Variants in AKT3 observed in about 807,000 individuals in gnomAD.
AKT3 encodes the protein AKT serine/threonine kinase 3.
In AKT3, 15 loss-of-function variants were observed where a neutral mutation model predicts 65.3. The observed-to-expected ratio is 0.23, with a 90% CI of 0.15 to 0.35. AKT3 has a LOEUF of 0.35. Among genes scored for constraint, AKT3 ranks in the 10% least tolerant of loss-of-function variants. AKT3 has a pLI of 1.00. For missense variants in AKT3, 243 were observed against 576.5 expected (o/e 0.42, Z 5.92); for synonymous variants, 206 against 183.8 (o/e 1.12, Z -0.98).
rs189673051 is a variant in AKT3, at chr1:243,547,106, G to T, written c.1164-1509C>A. 3 of 152,214 alleles carry T rather than the reference G, an allele frequency of 2.0e-5. No individual in the cohort carries two copies. In the East Asian group the frequency reaches 5.8e-4, roughly 29 times the overall value. The allele number at this position is 152,214 out of a possible 1,614,324, so 9.4% of individuals were successfully genotyped here. On this transcript the variant is annotated intron_variant, in intron 11 of 13. Transcript: ENST00000673466. The stretch of plus-strand genomic sequence containing the variant: ...CTAAACAGTCAACAAAACAGTAAGT[G>T]CAGCCCCAACTCATAGTATTTGCCA...
At chr1:243,669,185 T>TA (rs938992422) in intron 3 of AKT3, among the ~76,000 whole-genome samples, 2 of 152,198 alleles carry the variant, frequency 1.3e-5, no homozygotes, top group Non-Finnish European at 2.9e-5. Context: ...TTCCAGCCAG[T>TA]AATTCACTAG....
intron 2 of AKT3, among the ~76,000 whole-genome samples, chr1:243,826,920 A>G (rs946900007): frequency 2.0e-5 from 3 of 152,180 alleles, no homozygotes; most frequent in Non-Finnish European, 4.4e-5. Flanking sequence ...ACAACAAATT[A>G]AACCCGGGAC....
intron 2 of AKT3, among the ~76,000 whole-genome samples, chr1:243,758,164 C>T (rs749173178): frequency 6.6e-6 from 1 of 152,138 alleles, no homozygotes; most frequent in Non-Finnish European, 1.5e-5. Flanking sequence ...CTGACAGGCA[C>T]TGGGAGGATG....
In AKT3 at chr1:243,809,358, C is replaced by CA. The variant is rs1480080575; in HGVS notation, c.46+33766dup. Among the ~76,000 whole-genome samples the CA allele has an allele frequency of 3.3e-5, 5 of 150,844 alleles. No homozygotes were observed. In the East Asian group the frequency reaches 7.7e-4, roughly 23 times the overall value. On this transcript the variant is annotated intron_variant, in intron 2 of 13. Coordinates refer to ENST00000673466, the MANE Select transcript of AKT3 (RefSeq NM_005465.7). ...GAAGATCTACCAAGCAAATGGAAAA[C>CA]AAAAAAAAGGCAAGGGCTGCAATCC...
chr1:243,623,305 T>G (rs1215563789), intron 6 of AKT3, among the ~76,000 whole-genome samples: 1 of 152,166 alleles, frequency 6.6e-6, no homozygotes, highest in Non-Finnish European at 1.5e-5. Flanking sequence ...GCTTCTTTAG[T>G]TGACAACACT....
intron 2 of AKT3, among the ~76,000 whole-genome samples, chr1:243,737,531 G>T (rs753646611): frequency 1.3e-5 from 2 of 152,110 alleles, no homozygotes; most frequent in Non-Finnish European, 2.9e-5. Context: ...AAGAACTAAT[G>T]AAGAAGTAGA....
intron 2 of AKT3, among the ~76,000 whole-genome samples, chr1:243,716,489 G>C (rs928183583): frequency 1.3e-5 from 2 of 152,076 alleles, no homozygotes; most frequent in Admixed American, 1.3e-4. Context: ...ATAATGCAGT[G>C]GTCTATTGAT....
intron 2 of AKT3, among the ~76,000 whole-genome samples, chr1:243,785,900 T>C (rs941744763): frequency 9.9e-5 from 15 of 152,174 alleles, no homozygotes. Flanking sequence ...CCTGAAAGGA[T>C]AGGGTGTGTG....
At chr1:243,614,976 T>C (rs1678187845) in intron 7 of AKT3, 120 bp downstream of exon 7, 4 of 762,216 alleles carry the variant, frequency 5.2e-6, no homozygotes, top group Non-Finnish European at 8.4e-6. Context: ...TGACTTACGT[T>C]CTTTCCACAA....
intron 3 of AKT3, among the ~76,000 whole-genome samples, chr1:243,670,147 C>T (rs1484128308): frequency 6.6e-6 from 1 of 152,104 alleles, no homozygotes; most frequent in Non-Finnish European, 1.5e-5. Flanking sequence ...AATAATGTTA[C>T]GTGTAATTAC....
chr1:243,507,480 G>A (rs1031579444), intron 13 of AKT3, among the ~76,000 whole-genome samples: 6 of 152,086 alleles, frequency 3.9e-5, no homozygotes, highest in South Asian at 2.1e-4. Context: ...ACAATGAGGC[G>A]TGAACATCTG....
chr1:243,834,407 G>A (rs1694754104), intron 2 of AKT3, among the ~76,000 whole-genome samples: 1 of 152,150 alleles, frequency 6.6e-6, no homozygotes, highest in Non-Finnish European at 1.5e-5. Flanking sequence ...TGAAGGAGTA[G>A]AAAACCAAAT....
rs143664999 is a variant in AKT3, at chr1:243,581,166, G to A, written c.697-8118C>T. ...GTGGCCACCCACTGCATTCTCCCTC[G>A]GCACTAGTGCCTGTGTCTGTCATCA... is the stretch of plus-strand genomic sequence containing the variant. On this transcript the variant is annotated intron_variant, in intron 8 of 13. Coordinates refer to ENST00000673466, the MANE Select transcript of AKT3 (RefSeq NM_005465.7). 1.5e-3 allele frequency among the ~76,000 whole-genome samples: 233 copies of A among 152,264 alleles called. 1 individual carries two copies. The highest frequency in any genetic ancestry group is 0.01 in the Middle Eastern group (3 of 294).
chr1:243,572,450 A>G (rs531485136), intron 9 of AKT3, among the ~76,000 whole-genome samples: 8 of 152,288 alleles, frequency 5.3e-5, no homozygotes, highest in Admixed American at 2.0e-4. Flanking sequence ...CACTATTACC[A>G]ACAGAAAAAA....
At chr1:243,666,263 CA>C (rs1242191193) in intron 3 of AKT3, among the ~76,000 whole-genome samples, 4 of 152,142 alleles carry the variant, frequency 2.6e-5, no homozygotes, top group African/African-American at 9.7e-5. Flanking sequence ...CTCGGCCTCC[CA>C]AAGTGCTGGG....
Position 243,769,012 on chromosome 1 carries a change from A to C in AKT3, c.47-73296T>G, listed in dbSNP as rs536502273. Among the ~76,000 whole-genome samples the C allele has an allele frequency of 1.8e-4, 8 of 45,616 alleles. No individual in the cohort carries two copies. In the Admixed American group the frequency reaches 2.3e-3, roughly 13 times the overall value. The allele number at this position is 45,616 out of a possible 152,430, so 29.9% of individuals were successfully genotyped here. The stretch of plus-strand genomic sequence containing the variant: ...ATTAGCAGTCATTCTCCATTCCCTC[A>C]TCCCCTCATCTCCTGACCATGAAAC... On this transcript the variant is annotated intron_variant, in intron 2 of 13. Coordinates refer to ENST00000673466, the MANE Select transcript of AKT3 (RefSeq NM_005465.7).
At chr1:243,725,571 G>A (rs1572234501) in intron 2 of AKT3, among the ~76,000 whole-genome samples, 1 of 152,090 alleles carries the variant, frequency 6.6e-6, no homozygotes, top group African/African-American at 2.4e-5. Flanking sequence ...CACTGCATAC[G>A]GAGATTTGCA....
At chr1:243,775,133 C>T (rs1296687109) in intron 2 of AKT3, among the ~76,000 whole-genome samples, 2 of 152,062 alleles carry the variant, frequency 1.3e-5, no homozygotes, top group Non-Finnish European at 2.9e-5. Context: ...AGAGTGTTGG[C>T]ATTACAGGCG....
intron 8 of AKT3, among the ~76,000 whole-genome samples, chr1:243,575,956 G>A (rs1674910131): frequency 3.3e-5 from 5 of 151,620 alleles, no homozygotes; most frequent in Admixed American, 3.3e-4. Flanking sequence ...TAGGACTTCT[G>A]GAAAAAAAAG....
Sources: allele counts gnomAD v4.1 joint callset (sites outside exome capture counted in the v4.1 genomes callset), GRCh38; gene constraint gnomAD v4.1.1; transcripts MANE v1.5; gene names NCBI Gene and HGNC (gene_info 2026-07-23, HGNC 2026-07-21).